Variants in RPS6KA1 observed in about 807,000 individuals in gnomAD.
The protein encoded by RPS6KA1 is ribosomal protein S6 kinase alpha-1.
Under a neutral mutation model 91.3 loss-of-function variants are expected in RPS6KA1, and 48 were observed. The observed-to-expected ratio is 0.53, with a 90% CI of 0.42 to 0.67. RPS6KA1 has a LOEUF of 0.67. RPS6KA1 is among the 30% of genes least tolerant of loss of function. The probability of loss-of-function intolerance (pLI) is 0.00; values close to 1 mark genes in which losing one functional copy is unlikely to be tolerated. For synonymous variants in RPS6KA1, 359 were observed against 384.7 expected, an observed-to-expected ratio of 0.93 and a Z score of 0.78; for missense variants, 719 against 960.5, an observed-to-expected ratio of 0.75 and a Z score of 3.32.
At chr1:26,534,550 C>T (rs2075893001) in intron 1 of RPS6KA1, among the ~76,000 whole-genome samples, 1 of 152,126 alleles carries the variant, frequency 6.6e-6, no homozygotes, top group African/African-American at 2.4e-5. Context: ...AGACTGTTTT[C>T]AGGGTCTGTG....
chr1:26,545,976 A>G (rs1570430769), intron 2 of RPS6KA1: 1 of 1,608,392 alleles, frequency 6.2e-7, no homozygotes, highest in Non-Finnish European at 8.5e-7. Flanking sequence ...GCAGCGGCCC[A>G]GGATCAGCCA....
At chr1:26,536,513 A>C (rs1311880750) in intron 1 of RPS6KA1, among the ~76,000 whole-genome samples, 2 of 152,074 alleles carry the variant, frequency 1.3e-5, no homozygotes, top group Non-Finnish European at 1.5e-5. Context: ...TAACTACCCC[A>C]CCCCATGTTA....
At chr1:26,563,193 C>T (rs796397113) in intron 17 of RPS6KA1, among the ~76,000 whole-genome samples, 52 of 151,908 alleles carry the variant, frequency 3.4e-4, no homozygotes, top group Middle Eastern at 3.4e-3. Flanking sequence ...ATTAGAATAC[C>T]TGTAAGTTCC....
intron 1 of RPS6KA1, among the ~76,000 whole-genome samples, chr1:26,533,101 G>T (rs2075879515): frequency 6.6e-6 from 1 of 152,128 alleles, no homozygotes; most frequent in Non-Finnish European, 1.5e-5. Flanking sequence ...TATTTTTTGA[G>T]ACATAGTCTT....
At position 26,554,107 on chromosome 1, in the gene RPS6KA1, G is replaced by C. The variant is rs1489145651; in HGVS notation, c.576-107G>C. ...CCCGCCCAGTCATCAGAGAGAATTGGGTGGAGCACCTCCTCTGGGCTGAAC... is the reference window on the plus strand; with the variant it reads ...CCCGCCCAGTCATCAGAGAGAATTGCGTGGAGCACCTCCTCTGGGCTGAAC... On this transcript the variant is annotated intron_variant, in intron 7 of 21. Coordinates refer to ENST00000374168, the MANE Select transcript of RPS6KA1 (RefSeq NM_002953.4). This position sits in a 1 kb window ranked among gnomAD's most constrained non-coding sequence, Gnocchi z 4.6. 9 of 1,169,828 alleles carry C rather than the reference G, an allele frequency of 7.7e-6. No individual in the cohort carries two copies. Among genetic ancestry groups the C allele is most frequent in the Non-Finnish European group, 1.1e-5 (9 of 825,698 alleles). 72.5% of individuals were successfully genotyped at this position (1,169,828 alleles called of 1,614,324 possible).
chr1:26,535,803 T>G (rs1003144523), intron 1 of RPS6KA1, among the ~76,000 whole-genome samples: 4 of 152,102 alleles, frequency 2.6e-5, no homozygotes, highest in Non-Finnish European at 4.4e-5. Context: ...CTCAGTTTCC[T>G]TCTCTGCCAC....
chr1:26,550,803 G>A (rs887275634), intron 4 of RPS6KA1, among the ~76,000 whole-genome samples: 3 of 152,160 alleles, frequency 2.0e-5, no homozygotes, highest in Admixed American at 2.0e-4. Context: ...AGAAGGTGAG[G>A]CCTAAGCTGA....
chr1:26,568,801 C>T (rs2076225637), intron 17 of RPS6KA1, among the ~76,000 whole-genome samples: 1 of 152,122 alleles, frequency 6.6e-6, no homozygotes, highest in South Asian at 2.1e-4. Flanking sequence ...TCCCTGTGTC[C>T]CAGTAGTGTC....
rs45573831 is a variant in RPS6KA1 at position 26,555,756 on chromosome 1, C to T, written c.916+131C>T. On this transcript the variant is annotated intron_variant, in intron 11 of 21. Coordinates refer to ENST00000374168, the MANE Select transcript of RPS6KA1 (RefSeq NM_002953.4). This position sits in a 1 kb window ranked among gnomAD's most constrained non-coding sequence, Gnocchi z 4.3. ...TGTGTGGGCAGACAATGCCGCGGGC[C>T]ACCCTGCTTTCTGGCTCCATGTGTG... is the stretch of plus-strand genomic sequence containing the variant. The T allele has an allele frequency of 1.9e-4, 167 of 872,380 alleles. 1 individual carries two copies. The highest frequency in any genetic ancestry group is 6.6e-4 in the Middle Eastern group (2 of 3,026). The allele number at this position is 872,380 out of a possible 1,614,324, so 54.0% of individuals were successfully genotyped here.
In RPS6KA1 at chr1:26,546,753, T is replaced by G. The variant is rs183267975; in HGVS notation, c.109-114T>G. Reference sequence around the variant, plus strand: ...AGGCTAGCCCTTCAGGGAAGTCGTCTATTGGGCCTTTAGGTTCCATCTGCT... The same window carrying G: ...AGGCTAGCCCTTCAGGGAAGTCGTCGATTGGGCCTTTAGGTTCCATCTGCT... On this transcript the variant is annotated intron_variant, in intron 2 of 21. Coordinates refer to ENST00000374168, the MANE Select transcript of RPS6KA1 (RefSeq NM_002953.4). 4.6e-4 allele frequency: 341 copies of G among 734,946 alleles called. 2 individuals carry two copies. Among genetic ancestry groups the G allele is most frequent in the Non-Finnish European group, 6.5e-4 (274 of 423,712 alleles). 45.5% of individuals were successfully genotyped at this position (734,946 alleles called of 1,614,324 possible).
rs2076125000 is a variant in RPS6KA1 at position 26,558,490 on chromosome 1, C to G, written c.1085-317C>G. On this transcript the variant is annotated intron_variant, in intron 13 of 21. Coordinates refer to ENST00000374168, the MANE Select transcript of RPS6KA1 (RefSeq NM_002953.4). This position sits in a 1 kb window ranked among gnomAD's most constrained non-coding sequence, Gnocchi z 4.0. ...TGGAACCTTCCCTCTGGCTGCTGTG[C>G]AGAGATGGACCTGAAGGGGCTGACG... is the stretch of plus-strand genomic sequence containing the variant. Among the ~76,000 whole-genome samples, 2 of 152,142 alleles carry G rather than the reference C, an allele frequency of 1.3e-5. No homozygotes were observed. Among genetic ancestry groups the G allele is most frequent in the Admixed American group, 1.3e-4 (2 of 15,280 alleles).
rs760082758 is a variant in RPS6KA1, at chr1:26,560,715, G to A, written c.1216-11G>A. The A allele has an allele frequency of 6.2e-7, 1 of 1,614,064 alleles. No individual in the cohort carries two copies. The highest frequency in any genetic ancestry group is 8.5e-7 in the Non-Finnish European group (1 of 1,179,982). ...AGCCAGGGGTCAGCCACAATTTTTG[G>A]TCTCCTACAGCAACTCCATGGGAAG... On this transcript the variant is annotated splice_polypyrimidine_tract_variant and intron_variant, in intron 14 of 21. Coordinates refer to ENST00000374168, the MANE Select transcript of RPS6KA1 (RefSeq NM_002953.4).
rs758675893 is a variant in RPS6KA1 at position 26,551,603 on chromosome 1, G to A, written c.389-41G>A. On this transcript the variant is annotated intron_variant, in intron 5 of 21. Transcript: ENST00000374168. The surrounding 1 kb of genome is among the most constrained non-coding windows in gnomAD (Gnocchi z 4.5). The stretch of plus-strand genomic sequence containing the variant: ...CCAGGGCCGGAGAAGCAGATCATAA[G>A]GCCGCGCCGACTCTACCATTGCCTT... 79 of 1,605,818 alleles carry A rather than the reference G, an allele frequency of 4.9e-5. No homozygotes were observed. The highest frequency in any genetic ancestry group is 6.2e-5 in the Non-Finnish European group (73 of 1,172,554).
chr1:26,553,373 C>T lies in RPS6KA1; in HGVS notation c.469-18C>T, dbSNP rs1299893112. 6.5e-7 allele frequency: 1 copy of T among 1,549,654 alleles called. No individual in the cohort carries two copies. Among genetic ancestry groups the T allele is most frequent in the South Asian group, 1.1e-5 (1 of 89,660 alleles). The stretch of plus-strand genomic sequence containing the variant: ...GGAAGAGGAGGTCCCTGCTGAAGGC[C>T]CCTCCTGTCTTTTGCAGGTGATGTT... On this transcript the variant is annotated intron_variant, in intron 6 of 21. Transcript: ENST00000374168.
chr1:26,534,897 T>C (rs1281316606), intron 1 of RPS6KA1, among the ~76,000 whole-genome samples: 1 of 152,170 alleles, frequency 6.6e-6, no homozygotes, highest in Non-Finnish European at 1.5e-5. Flanking sequence ...CTACAGGCAG[T>C]GGAAGCCACA....
intron 1 of RPS6KA1, among the ~76,000 whole-genome samples, chr1:26,534,459 T>G (rs867377566): frequency 2.0e-5 from 3 of 151,944 alleles, no homozygotes; most frequent in African/African-American, 7.3e-5. Context: ...TGATAAAAGA[T>G]CAGGAGTTTG....
chr1:26,570,863 C>A (rs1327856390), intron 17 of RPS6KA1, among the ~76,000 whole-genome samples: 1 of 152,216 alleles, frequency 6.6e-6, no homozygotes, highest in African/African-American at 2.4e-5. Context: ...TGGCTCACGC[C>A]TGTAATCCCA....
chr1:26,548,653 T>C (rs1057265071), intron 4 of RPS6KA1, among the ~76,000 whole-genome samples: 1 of 151,846 alleles, frequency 6.6e-6, no homozygotes, highest in Admixed American at 6.6e-5. Flanking sequence ...AAAAATTATC[T>C]GGGTATGCTG....
At position 26,534,040 on chromosome 1, in the gene RPS6KA1, G is replaced by C. The variant is rs72879007; in HGVS notation, c.64-2885G>C. The stretch of plus-strand genomic sequence containing the variant: ...AGAGGCAGCCAGACTGCCTTAGAGC[G>C]GGGGGTCCCTAAGTCATCCAGGCCA... On this transcript the variant is annotated intron_variant, in intron 1 of 21. Coordinates refer to ENST00000374168, the MANE Select transcript of RPS6KA1 (RefSeq NM_002953.4). Among the ~76,000 whole-genome samples, 746 of 152,272 alleles carry C rather than the reference G, an allele frequency of 4.9e-3. 15 individuals carry two copies. The highest frequency in any genetic ancestry group is 0.018 in the African/African-American group (727 of 41,532).
Sources: gnomAD v4.1 joint callset for allele counts (sites outside exome capture counted in the v4.1 genomes callset) on GRCh38, gnomAD v4.1.1 for gene constraint, Gnocchi (gnomAD v3.1) non-coding constraint, MANE v1.5 for transcripts, NCBI Gene and HGNC (gene_info 2026-07-23, HGNC 2026-07-21) for gene names.